IL1RAPL1: variants seen among roughly 807,000 people sequenced by gnomAD.
The protein encoded by IL1RAPL1 is interleukin 1 receptor accessory protein like 1, also known as interleukin-1 receptor accessory protein-like 1.
In IL1RAPL1, 3 loss-of-function variants were observed where a neutral mutation model predicts 48.4. The observed-to-expected ratio is 0.06, with a 90% CI of 0.03 to 0.16. The LOEUF is 0.16. Ranked by LOEUF, IL1RAPL1 falls within the 10% of genes least tolerant of loss-of-function variation. The pLI is 1.00. For missense variants in IL1RAPL1, 349 were observed against 530.6 expected (o/e 0.66, Z 3.36); for synonymous variants, 185 against 187.7 (o/e 0.99, Z 0.12).
At chrX:29,231,063 C>T (rs1931193942) in intron 2 of IL1RAPL1, among the ~76,000 whole-genome samples, 1 of 112,413 alleles carries the variant, frequency 8.9e-6, no homozygotes, top group African/African-American at 3.2e-5. Flanking sequence ...TCTTAAGCAA[C>T]AGACTTGAAT....
At position 29,418,707 on chromosome X, in the gene IL1RAPL1, C is replaced by A. The variant is rs940164457; in HGVS notation, c.703+19399C>A. 5.4e-5 allele frequency among the ~76,000 whole-genome samples: 6 copies of A among 111,670 alleles called. No homozygotes were observed. The Admixed American group carries it at 5.7e-4, about 11-fold the overall frequency. On this transcript the variant is annotated intron_variant, in intron 5 of 10. Transcript: ENST00000378993. ...TTAAAACAATATATTATGGGGGCAG[C>A]AAATAGGTAGTAAGCTATTTACTAT...
intron 1 of IL1RAPL1, among the ~76,000 whole-genome samples, chrX:28,613,067 T>A: frequency 8.9e-6 from 1 of 112,110 alleles, no homozygotes; most frequent in Non-Finnish European, 1.9e-5. Flanking sequence ...CTGTAAATAC[T>A]AGGAATTTGT....
At chrX:29,586,079 G>C (rs781287402) in intron 5 of IL1RAPL1, among the ~76,000 whole-genome samples, 18 of 110,953 alleles carry the variant, frequency 1.6e-4, no homozygotes, top group Admixed American at 1.3e-3. Flanking sequence ...TTTTTGGTTT[G>C]GTTGCCTATG....
chrX:29,586,931 T>A (rs1272416432), intron 5 of IL1RAPL1, among the ~76,000 whole-genome samples: 1 of 111,444 alleles, frequency 9.0e-6, no homozygotes, highest in Non-Finnish European at 1.9e-5. Context: ...TTTGGTGGAA[T>A]CTTTAAGATT....
intron 1 of IL1RAPL1, among the ~76,000 whole-genome samples, chrX:28,635,065 G>A (rs768174947): frequency 8.9e-6 from 1 of 111,859 alleles, no homozygotes; most frequent in East Asian, 2.8e-4. Context: ...TGAAAGATTT[G>A]AGTTCTCTAA....
chrX:29,720,743 A>G (rs1377311475), intron 6 of IL1RAPL1, among the ~76,000 whole-genome samples: 1 of 111,847 alleles, frequency 8.9e-6, no homozygotes, highest in African/African-American at 3.3e-5. Flanking sequence ...CCTAGAGCTT[A>G]AAGAAGTATA....
chrX:29,755,636 A>G (rs1285934281), intron 6 of IL1RAPL1, among the ~76,000 whole-genome samples: 1 of 112,449 alleles, frequency 8.9e-6, no homozygotes, highest in East Asian at 2.8e-4. Flanking sequence ...TGCTCATTAA[A>G]TGTTGAATAA....
intron 3 of IL1RAPL1, among the ~76,000 whole-genome samples, chrX:29,323,435 CTGTCTT>C (rs1235705742): frequency 4.7e-5 from 5 of 106,916 alleles, no homozygotes; most frequent in African/African-American, 1.7e-4. Flanking sequence ...GTTCATTACT[CTGTCTT>C]AGTCTCTACA....
intron 6 of IL1RAPL1, among the ~76,000 whole-genome samples, chrX:29,868,513 C>T (rs1931740379): frequency 1.8e-5 from 2 of 111,992 alleles, no homozygotes; most frequent in South Asian, 7.5e-4. Flanking sequence ...AGGCCCCCTG[C>T]TCTAATGCTT....
In IL1RAPL1 at chrX:29,668,435, C is replaced by G. The variant is rs1217973622; in HGVS notation, c.709C>G (p.Leu237Val). 3 of 1,207,147 alleles carry G rather than the reference C, an allele frequency of 2.5e-6. No homozygotes were observed. The African/African-American group carries it at 5.2e-5, about 21-fold the overall frequency. ...RTTELTVTAP[L>V]TDKPPKLLYP... ...TTATTGTTGTTGTTTTTCAGCCCCTCTGACTGATAAGCCACCCAAGCTTTT... is the reference window on the plus strand; with the variant it reads ...TTATTGTTGTTGTTTTTCAGCCCCTGTGACTGATAAGCCACCCAAGCTTTT... Residue 237 changes from leucine to valine, a missense_variant, in exon 6 of 11, where the codon CTG becomes GTG. Around this residue, in one of 3 missense-constraint regions of IL1RAPL1, gnomAD observed 238 missense variants for 337.8 expected, o/e 0.70. Transcript: ENST00000378993.
rs1308508089 is a variant in IL1RAPL1 at position 29,237,138 on chromosome X, G to A, written c.83-45800G>A. Among the ~76,000 whole-genome samples, 3 of 111,360 alleles carry A rather than the reference G, an allele frequency of 2.7e-5. No individual in the cohort carries two copies. In the Admixed American group the frequency reaches 2.9e-4, roughly 11 times the overall value. Reference sequence around the variant, plus strand: ...ATATCTGCATGATGGGTTGTTCCAAGAAACTAAGCAAATGGAAATGTCAGT... The same window carrying A: ...ATATCTGCATGATGGGTTGTTCCAAAAAACTAAGCAAATGGAAATGTCAGT... On this transcript the variant is annotated intron_variant, in intron 2 of 10. Transcript: ENST00000378993.
chrX:29,651,180 T>C (rs1450923028), intron 5 of IL1RAPL1, among the ~76,000 whole-genome samples: 1 of 110,629 alleles, frequency 9.0e-6, no homozygotes, highest in African/African-American at 3.3e-5. Flanking sequence ...GGTGAGAATG[T>C]GAATTAGTGC....
intron 1 of IL1RAPL1, among the ~76,000 whole-genome samples, chrX:28,677,549 G>T (rs750561842): frequency 1.4e-4 from 16 of 111,276 alleles, no homozygotes; most frequent in Non-Finnish European, 2.6e-4. Context: ...CTTTCTATGA[G>T]ACTGTGTGTG....
intron 3 of IL1RAPL1, among the ~76,000 whole-genome samples, chrX:29,387,971 C>T (rs62588121): frequency 0.42 from 43,052 of 101,884 alleles, 8,145 homozygotes; most frequent in Middle Eastern, 0.59. Context: ...CCAGGCTGGG[C>T]GAAAGAGCAA....
intron 3 of IL1RAPL1, among the ~76,000 whole-genome samples, chrX:29,326,856 G>A (rs1168269613): frequency 8.9e-6 from 1 of 112,106 alleles, no homozygotes. Flanking sequence ...CAGAACTTGA[G>A]AATTTATGTC....
intron 2 of IL1RAPL1, among the ~76,000 whole-genome samples, chrX:29,125,214 A>G (rs776393763): frequency 8.9e-6 from 1 of 112,331 alleles, no homozygotes; most frequent in Non-Finnish European, 1.9e-5. Flanking sequence ...TCTAAGAATC[A>G]TAGGTCAAAT....
chrX:28,896,447 G>A (rs1922920583), intron 2 of IL1RAPL1, among the ~76,000 whole-genome samples: 2 of 111,602 alleles, frequency 1.8e-5, no homozygotes, highest in South Asian at 3.8e-4. Context: ...GAACCTAAAC[G>A]CTAACTGATT....
intron 6 of IL1RAPL1, among the ~76,000 whole-genome samples, chrX:29,871,467 C>T (rs1436414106): frequency 8.9e-6 from 1 of 112,082 alleles, no homozygotes; most frequent in Non-Finnish European, 1.9e-5. Context: ...CAAGGAAGTC[C>T]TCAGAGATAG....
chrX:29,745,065 G>A (rs767962382), intron 6 of IL1RAPL1, among the ~76,000 whole-genome samples: 2 of 111,904 alleles, frequency 1.8e-5, no homozygotes, highest in Admixed American at 9.5e-5. Flanking sequence ...ATATGAAGGA[G>A]ACTAAATAGA....
Sources: gnomAD v4.1 joint callset for allele counts (sites outside exome capture counted in the v4.1 genomes callset) on GRCh38, gnomAD v4.1.1 for gene constraint, gnomAD v4.1.1 regional missense constraint, MANE v1.5 for transcripts, NCBI Gene and HGNC (gene_info 2026-07-23, HGNC 2026-07-21) for gene names.